ATAD1: variants seen among roughly 807,000 people sequenced by gnomAD.
ATAD1 encodes the protein outer mitochondrial transmembrane helix translocase.
A neutral mutation model predicts 42.7 loss-of-function variants in ATAD1; 18 were observed. The observed-to-expected ratio is 0.42, with a 90% CI of 0.29 to 0.63. The LOEUF (loss-of-function observed/expected upper bound fraction) is 0.63, where lower values mean the gene tolerates loss of function less well. Ranked by LOEUF, ATAD1 falls within the 20% of genes least tolerant of loss-of-function variation. The probability of loss-of-function intolerance (pLI) is 0.19; values close to 1 mark genes in which losing one functional copy is unlikely to be tolerated. For missense variants in ATAD1, 294 were observed against 440.4 expected, an observed-to-expected ratio of 0.67 and a Z score of 2.98; for synonymous variants, 132 against 143.1, an observed-to-expected ratio of 0.92 and a Z score of 0.55.
chr10:87,787,042 A>G (rs1173683055), intron 4 of ATAD1, among the ~76,000 whole-genome samples: 1 of 152,166 alleles, frequency 6.6e-6, no homozygotes, highest in Non-Finnish European at 1.5e-5. Context: ...TTAGAGTGGC[A>G]CCTTTTCTAT....
Position 87,756,901 on chromosome 10 carries a change from G to T in ATAD1, c.853C>A (p.Leu285Ile). 1 of 1,610,558 alleles carries T rather than the reference G, an allele frequency of 6.2e-7. No homozygotes were observed. Among genetic ancestry groups the T allele is most frequent in the South Asian group, 1.1e-5 (1 of 90,236 alleles). Residue 285 changes from leucine to isoleucine, a missense_variant, in exon 9 of 10, where the codon CTA (leucine) becomes ATA (isoleucine). Around this residue, in one of 3 missense-constraint regions of ATAD1, gnomAD observed 142 missense variants for 174.6 expected, o/e 0.81. Transcript: ENST00000680024. ...CCATCAGTTTCCTGGGCAACTTCTA[G>T]CAGGTCTACATGCCTATCCACCTTA... ...NENVDRHVDLLEVAQETDGFS... is the reference protein window; with the variant it reads ...NENVDRHVDLIEVAQETDGFS...
In ATAD1 at chr10:87,787,565, A is replaced by G. The variant is rs1855897060; in HGVS notation, c.382+2745T>C. Among the ~76,000 whole-genome samples, 6 of 152,180 alleles carry G rather than the reference A, an allele frequency of 3.9e-5. No homozygotes were observed. In the South Asian group the frequency reaches 1.2e-3, roughly 32 times the overall value. ...GCCCAGGAGGCTGCAGCAGTGGGCT[A>G]TGGTTACACACTCCAGCCTGGTGAC... On this transcript the variant is annotated intron_variant, in intron 4 of 9. Transcript: ENST00000680024.
chr10:87,787,855 TA>T (rs1807562025), intron 4 of ATAD1, among the ~76,000 whole-genome samples: 2 of 152,180 alleles, frequency 1.3e-5, no homozygotes, highest in Admixed American at 6.5e-5. Flanking sequence ...TTTTTAAAAT[TA>T]TTTTTTTCCT....
At chr10:87,824,377 A>C (rs1589572658) in intron 1 of ATAD1, among the ~76,000 whole-genome samples, 2 of 152,336 alleles carry the variant, frequency 1.3e-5, no homozygotes, top group East Asian at 3.9e-4. Flanking sequence ...ATAGGGTATA[A>C]GAACGTGAAC....
At chr10:87,754,926 T>A in intron 9 of ATAD1, 119 bp from the exon 10 acceptor site, 1 of 1,181,104 alleles carries the variant, frequency 8.5e-7, no homozygotes, top group Non-Finnish European at 1.1e-6. Context: ...TTTTCAACTG[T>A]AGAAAAGGGT....
rs550992703 is a variant in ATAD1 at position 87,817,852 on chromosome 10, G to T, written c.-14+315C>A. On this transcript the variant is annotated intron_variant, in intron 1 of 9. Coordinates refer to ENST00000680024, the MANE Select transcript of ATAD1 (RefSeq NM_001321967.2). ...GCCTGGTTCTGAAGTCTTCCGGGAC[G>T]ACCTCAAACCCCCACAGTGACCAGG... 5 of 985,486 alleles carry T rather than the reference G, an allele frequency of 5.1e-6. No individual in the cohort carries two copies. The South Asian group carries it at 2.3e-4, about 46-fold the overall frequency. 61.0% of individuals were successfully genotyped at this position (985,486 alleles called of 1,614,324 possible).
At chr10:87,824,968 T>C (rs888623968) in intron 1 of ATAD1, among the ~76,000 whole-genome samples, 29 of 152,252 alleles carry the variant, frequency 1.9e-4, no homozygotes, top group African/African-American at 6.8e-4. Context: ...ATGAAAATTA[T>C]GGATATTTCT....
intron 2 of ATAD1, among the ~76,000 whole-genome samples, chr10:87,802,485 G>C (rs564623615): frequency 6.6e-6 from 1 of 152,062 alleles, no homozygotes; most frequent in Non-Finnish European, 1.5e-5. Flanking sequence ...TATTTCTATG[G>C]AACAAAGTTC....
At chr10:87,818,605 A>AAACCC (rs1364910271), upstream of ATAD1, 1 of 152,312 alleles carries the variant, frequency 6.6e-6, no homozygotes, top group African/African-American at 2.4e-5. Context: ...CACTCTGTGC[A>AAACCC]AACCCTCACG....
chr10:87,819,612 T>C (rs749551729), upstream of ATAD1, among the ~76,000 whole-genome samples: 27 of 152,320 alleles, frequency 1.8e-4, no homozygotes, highest in Admixed American at 1.0e-3. Flanking sequence ...TCCTCTAAAA[T>C]AGCTATCATT....
intron 7 of ATAD1, 108 bp from the exon 8 acceptor site, chr10:87,767,831 T>C (rs796272454): frequency 2.7e-5 from 29 of 1,061,798 alleles, no homozygotes; most frequent in South Asian, 2.1e-4. Flanking sequence ...TCAATACTTA[T>C]AAGGAGATGA....
chr10:87,822,110 C>T (rs1396023531), upstream of ATAD1, among the ~76,000 whole-genome samples: 1 of 152,216 alleles, frequency 6.6e-6, no homozygotes, highest in Non-Finnish European at 1.5e-5. Context: ...GTAAACCTGA[C>T]TCTATTCATT....
chr10:87,811,437 A>G (rs1463496187), intron 2 of ATAD1, among the ~76,000 whole-genome samples: 1 of 152,188 alleles, frequency 6.6e-6, no homozygotes, highest in Non-Finnish European at 1.5e-5. Context: ...ATACTGACCT[A>G]TTCATTCTTC....
At chr10:87,771,656 A>G (rs948607946) in intron 6 of ATAD1, among the ~76,000 whole-genome samples, 2 of 152,174 alleles carry the variant, frequency 1.3e-5, no homozygotes, top group Non-Finnish European at 2.9e-5. Context: ...ACAGAGTATA[A>G]GCAAACATCA....
At chr10:87,839,859 A>G (rs1857998675) in intron 1 of ATAD1, among the ~76,000 whole-genome samples, 1 of 152,030 alleles carries the variant, frequency 6.6e-6, no homozygotes, top group Non-Finnish European at 1.5e-5. Flanking sequence ...CCTCTTTAAA[A>G]ATCTGTCAAC....
Position 87,751,794 on chromosome 10 carries a change from A to C in ATAD1, c.*2893T>G, listed in dbSNP as rs1854031934. On this transcript the variant is annotated 3_prime_UTR_variant, in exon 10 of 10. Transcript: ENST00000680024. ...CAGCCATGCACTATATATATTCAGC[A>C]TATCAGAATTCTGTTCAATATTCTG... The C allele has an allele frequency of 1.3e-5, 2 of 152,232 alleles. No individual in the cohort carries two copies. The highest frequency in any genetic ancestry group is 4.8e-5 in the African/African-American group (2 of 41,464). The allele number at this position is 152,232 out of a possible 1,614,324, so 9.4% of individuals were successfully genotyped here. A position where few individuals can be genotyped will look rare whatever the true frequency, so the allele number is the denominator to read the frequency against.
chr10:87,803,291 G>A (rs1456722468), intron 2 of ATAD1, among the ~76,000 whole-genome samples: 1 of 152,204 alleles, frequency 6.6e-6, no homozygotes, highest in East Asian at 1.9e-4. Context: ...TGAGACCAGA[G>A]ACTCATTTTC....
chr10:87,761,422 G>C (rs1854479082), intron 8 of ATAD1, among the ~76,000 whole-genome samples: 1 of 152,190 alleles, frequency 6.6e-6, no homozygotes, highest in South Asian at 2.1e-4. Context: ...AGCACTTTGG[G>C]AGGCTGAGAT....
intron 5 of ATAD1, 62 bp from the exon 6 acceptor site, chr10:87,776,489 G>T: frequency 7.3e-7 from 1 of 1,372,606 alleles, no homozygotes; most frequent in South Asian, 1.2e-5. Context: ...TTTTTTTTGA[G>T]ACAGGGTCTC....
Sources: gnomAD v4.1 joint callset for allele counts (sites outside exome capture counted in the v4.1 genomes callset) on GRCh38, gnomAD v4.1.1 for gene constraint, gnomAD v4.1.1 regional missense constraint, MANE v1.5 for transcripts, NCBI Gene and HGNC (gene_info 2026-07-23, HGNC 2026-07-21) for gene names.